The following STARD13 variants were observed in gnomAD, a reference collection of about 807,000 sequenced individuals.
STARD13 encodes the protein stAR-related lipid transfer protein 13.
A neutral mutation model predicts 106.4 loss-of-function variants in STARD13; 62 were observed. The ratio of observed to expected loss-of-function variants is 0.58; its 90% CI spans 0.48 to 0.72. The LOEUF (loss-of-function observed/expected upper bound fraction) is 0.72, where lower values mean the gene tolerates loss of function less well. Among genes scored for constraint, STARD13 ranks in the 30% least tolerant of loss-of-function variants. The pLI is 0.00. For synonymous variants in STARD13, 565 were observed against 553.0 expected (o/e 1.02, Z -0.31); for missense variants, 1,387 against 1,424.0 (o/e 0.97, Z 0.42).
chr13:33,400,682 C>A, the STARD13 span, among the ~76,000 whole-genome samples: 1 of 152,112 alleles, frequency 6.6e-6, no homozygotes, highest in Non-Finnish European at 1.5e-5. Flanking sequence ...CCAGGATGGT[C>A]TTGATCTCCT....
At chr13:33,238,353 C>T (rs971614174) in intron 1 of STARD13, among the ~76,000 whole-genome samples, 8 of 152,032 alleles carry the variant, frequency 5.3e-5, no homozygotes, top group South Asian at 2.1e-4. Context: ...GGACTAAGAA[C>T]GGCTGCCCAA....
the STARD13 span, among the ~76,000 whole-genome samples, chr13:33,618,974 C>T: frequency 6.6e-6 from 1 of 151,844 alleles, no homozygotes. Flanking sequence ...ATATACCGTG[C>T]ATTCAGAGGA....
the STARD13 span, chr13:33,524,252 G>A: frequency 2.4e-6 from 3 of 1,276,278 alleles, no homozygotes; most frequent in Non-Finnish European, 3.1e-6. Flanking sequence ...GTTTTTGGTT[G>A]AGTTCCAGTT....
chr13:33,450,981 C>T, the STARD13 span, among the ~76,000 whole-genome samples: 3 of 152,036 alleles, frequency 2.0e-5, no homozygotes, highest in Non-Finnish European at 2.9e-5. Context: ...CTCCTGTGCT[C>T]GAGGAATCCT....
Position 33,110,043 on chromosome 13 carries a change from C to G in STARD13, c.2877G>C (p.Val959=). The change falls in exon 12 of 14, where the codon GTG becomes GTC. Residue 959 remains valine, a synonymous_variant. Coordinates refer to ENST00000336934, the MANE Select transcript of STARD13 (RefSeq NM_178006.4). ...TCAGGACCACTGAGGGGGGTGCTTC[C>G]ACCTCCACAGAAGCCTTCCACAGCT... ...PLKLWKASVE[V]EAPPSVVLNR... 1 of 1,614,204 alleles carries G rather than the reference C, an allele frequency of 6.2e-7. No homozygotes were observed. The highest frequency in any genetic ancestry group is 8.5e-7 in the Non-Finnish European group (1 of 1,180,042).
intron 1 of STARD13, among the ~76,000 whole-genome samples, chr13:33,170,375 GGGGC>G (rs2138389473): frequency 6.6e-6 from 1 of 152,284 alleles, no homozygotes; most frequent in African/African-American, 2.4e-5. Context: ...ACAGTGCAAT[GGGGC>G]TGAAGCTAGC....
At chr13:33,346,133 C>A (rs1422352305), downstream of STARD13, among the ~76,000 whole-genome samples, 2 of 152,130 alleles carry the variant, frequency 1.3e-5, no homozygotes, top group Non-Finnish European at 2.9e-5. Flanking sequence ...GCACACAGGG[C>A]AAGAAATTGA....
intron 3 of STARD13, among the ~76,000 whole-genome samples, chr13:33,153,029 G>C (rs1430922274): frequency 6.6e-6 from 1 of 152,212 alleles, no homozygotes; most frequent in African/African-American, 2.4e-5. Flanking sequence ...CTTTTAAAAT[G>C]TCTAGCTAAG....
chr13:33,609,105 A>AAAAAAAAAAAAAAAAAAAAAAAAAAAAG, the STARD13 span, among the ~76,000 whole-genome samples: 1 of 133,196 alleles, frequency 7.5e-6, no homozygotes, highest in African/African-American at 3.3e-5. Flanking sequence ...AAAAAAAAAA[A>AAAAAAAAAAAAAAAAAAAAAAAAAAAAG]AAATATTGAT....
At chr13:33,126,477 C>A (rs543874734) in intron 6 of STARD13, among the ~76,000 whole-genome samples, 1 of 152,334 alleles carries the variant, frequency 6.6e-6, no homozygotes, top group African/African-American at 2.4e-5. Context: ...GTATTTGTAG[C>A]TCTGTTTTCA....
At chr13:33,210,250 T>C (rs563022960) in intron 1 of STARD13, among the ~76,000 whole-genome samples, 10 of 152,280 alleles carry the variant, frequency 6.6e-5, no homozygotes, top group African/African-American at 2.4e-4. Context: ...CCTTACAAAG[T>C]AGCAGGTTGC....
the STARD13 span, among the ~76,000 whole-genome samples, chr13:33,650,164 A>ATGTTTTTTT: frequency 4.5e-4 from 22 of 48,372 alleles, 1 homozygote; most frequent in Admixed American, 2.3e-3. Flanking sequence ...CGTGACTCCA[A>ATGTTTTTTT]TTTTTTTTTT....
the STARD13 span, among the ~76,000 whole-genome samples, chr13:33,663,762 G>C: frequency 6.6e-6 from 1 of 152,162 alleles, no homozygotes; most frequent in Non-Finnish European, 1.5e-5. Flanking sequence ...GAGCAGGAGG[G>C]AGCAAGTCAG....
At chr13:33,512,546 C>A in the STARD13 span, among the ~76,000 whole-genome samples, 1 of 152,036 alleles carries the variant, frequency 6.6e-6, no homozygotes, top group South Asian at 2.1e-4. Flanking sequence ...CGGCTCACTG[C>A]AAACTCCACC....
At chr13:33,461,995 T>C in the STARD13 span, among the ~76,000 whole-genome samples, 74 of 152,314 alleles carry the variant, frequency 4.9e-4, 1 homozygote, top group Admixed American at 3.7e-3. Flanking sequence ...GCAACCACAA[T>C]GAAGAAGAAA....
At chr13:33,378,534 T>TA in the STARD13 span, among the ~76,000 whole-genome samples, 1 of 152,162 alleles carries the variant, frequency 6.6e-6, no homozygotes, top group Non-Finnish European at 1.5e-5. Context: ...CTCACGCCTG[T>TA]AATCCCAGCA....
chr13:33,639,906 G>A, the STARD13 span, among the ~76,000 whole-genome samples: 1 of 152,166 alleles, frequency 6.6e-6, no homozygotes, highest in Non-Finnish European at 1.5e-5. Context: ...CCCGATTCAT[G>A]AATCATTCTT....
At chr13:33,117,050 C>A (rs1875479512) in intron 8 of STARD13, among the ~76,000 whole-genome samples, 1 of 152,166 alleles carries the variant, frequency 6.6e-6, no homozygotes, top group Non-Finnish European at 1.5e-5. Context: ...GGGATCTGGA[C>A]CATCAAAATA....
chr13:33,526,377 TAA>T, the STARD13 span, among the ~76,000 whole-genome samples: 3 of 152,118 alleles, frequency 2.0e-5, no homozygotes, highest in Non-Finnish European at 1.5e-5. Context: ...TCCTTACAAA[TAA>T]GTTATATTTG....
Sources: gnomAD v4.1 joint callset for allele counts (sites outside exome capture counted in the v4.1 genomes callset) on GRCh38, gnomAD v4.1.1 for gene constraint, MANE v1.5 for transcripts, NCBI Gene and HGNC (gene_info 2026-07-23, HGNC 2026-07-21) for gene names.